Variants in RCOR3 observed in about 807,000 individuals in gnomAD.
The protein encoded by RCOR3 is REST corepressor 3.
Under a neutral mutation model 64.1 loss-of-function variants are expected in RCOR3, and 13 were observed. That is an observed-to-expected ratio of 0.20 (90% CI 0.13 to 0.32). RCOR3 has a LOEUF of 0.32. Among genes scored for constraint, RCOR3 ranks in the 10% least tolerant of loss-of-function variants. The pLI, the probability that RCOR3 is intolerant of heterozygous loss-of-function variation, is 1.00. For missense variants in RCOR3, 489 were observed against 701.2 expected (o/e 0.70, Z 3.42); for synonymous variants, 215 against 239.0 (o/e 0.90, Z 0.93).
intron 8 of RCOR3, among the ~76,000 whole-genome samples, chr1:211,291,072 G>A (rs551668179): frequency 4.6e-5 from 7 of 151,570 alleles, no homozygotes; most frequent in Non-Finnish European, 5.9e-5. Context: ...CCCTTAATCC[G>A]TAGTTTCACT....
At position 211,314,287 on chromosome 1, in the gene RCOR3, A is replaced by T. The variant is rs1184954356; in HGVS notation, c.*519A>T. Reference sequence around the variant, plus strand: ...ATTTTGACATATGTTCATTTTATGCATATTTAAGAAATTATAGCTGCATAT... The same window carrying T: ...ATTTTGACATATGTTCATTTTATGCTTATTTAAGAAATTATAGCTGCATAT... On this transcript the variant is annotated 3_prime_UTR_variant, in exon 12 of 12. Coordinates refer to ENST00000419091, the MANE Select transcript of RCOR3 (RefSeq NM_001136223.3). The T allele has an allele frequency of 6.6e-6, 1 of 152,234 alleles. No individual in the cohort carries two copies. Among genetic ancestry groups the T allele is most frequent in the Non-Finnish European group, 1.5e-5 (1 of 68,080 alleles). The allele number at this position is 152,234 out of a possible 1,614,324, so 9.4% of individuals were successfully genotyped here.
At chr1:211,287,253 T>A (rs938651999) in intron 7 of RCOR3, among the ~76,000 whole-genome samples, 10 of 151,698 alleles carry the variant, frequency 6.6e-5, no homozygotes, top group Non-Finnish European at 1.5e-4. Context: ...AGAGCAGGAG[T>A]GTTTTTTTCC....
At chr1:211,282,602 A>G (rs1012720583) in intron 7 of RCOR3, among the ~76,000 whole-genome samples, 1 of 151,520 alleles carries the variant, frequency 6.6e-6, no homozygotes, top group Non-Finnish European at 1.5e-5. Flanking sequence ...GGGCTCAAGC[A>G]ATTCTCCTGC....
At chr1:211,277,079 C>CT (rs1355890909) in intron 5 of RCOR3, among the ~76,000 whole-genome samples, 2 of 147,760 alleles carry the variant, frequency 1.4e-5, no homozygotes, top group African/African-American at 5.0e-5. Context: ...GCGCGAGACT[C>CT]TGTCTCAAAA....
At chr1:211,290,414 GT>G (rs1487228179) in intron 8 of RCOR3, among the ~76,000 whole-genome samples, 1 of 152,152 alleles carries the variant, frequency 6.6e-6, no homozygotes, top group Admixed American at 6.5e-5. Context: ...AGTTATGTGA[GT>G]TTTGTCTCTG....
chr1:211,299,892 A>G (rs1347478306), intron 9 of RCOR3, among the ~76,000 whole-genome samples: 1 of 151,968 alleles, frequency 6.6e-6, no homozygotes, highest in Non-Finnish European at 1.5e-5. Flanking sequence ...ATCTTTACCA[A>G]AGTTTCTCAG....
chr1:211,279,460 C>T (rs1219840469), intron 7 of RCOR3, 144 bp downstream of exon 7: 4 of 535,824 alleles, frequency 7.5e-6, no homozygotes, highest in South Asian at 2.8e-5. Flanking sequence ...TACAGTCATA[C>T]CTAGAACCCC....
In RCOR3 at chr1:211,291,377, T is replaced by G. The variant is rs1699223892; in HGVS notation, c.939+1981T>G. 3 of 301,904 alleles carry G rather than the reference T, an allele frequency of 9.9e-6. No homozygotes were observed. The Admixed American group carries it at 1.4e-4, about 14-fold the overall frequency. The allele number at this position is 301,904 out of a possible 1,614,324, so 18.7% of individuals were successfully genotyped here. On this transcript the variant is annotated intron_variant, in intron 8 of 11. Coordinates refer to ENST00000419091, the MANE Select transcript of RCOR3 (RefSeq NM_001136223.3). ...AAATGGTCATTGGAGCATTTTGGAT[T>G]TTGGGTTTTCGGATTAGGGATGTAC...
chr1:211,302,680 T>C (rs1700500675), intron 9 of RCOR3: 1 of 152,240 alleles, frequency 6.6e-6, no homozygotes, highest in African/African-American at 2.4e-5. Context: ...TACCATTTAC[T>C]ATAAAATATT....
intron 2 of RCOR3, among the ~76,000 whole-genome samples, chr1:211,264,630 G>A (rs1287493743): frequency 6.6e-6 from 1 of 152,088 alleles, no homozygotes; most frequent in East Asian, 1.9e-4. Flanking sequence ...GCTGCAGTAA[G>A]CTATGATGGC....
At chr1:211,271,391 C>A in intron 3 of RCOR3, 82 bp downstream of exon 3, 4 of 1,021,164 alleles carry the variant, frequency 3.9e-6, no homozygotes, top group South Asian at 1.4e-5. Context: ...GTTTTTGGGT[C>A]TTATAGATTC....
intron 9 of RCOR3, among the ~76,000 whole-genome samples, chr1:211,297,417 T>C (rs1182196597): frequency 3.3e-5 from 5 of 152,152 alleles, no homozygotes; most frequent in Non-Finnish European, 7.4e-5. Flanking sequence ...AATGAAACTC[T>C]GGCTATAGCT....
chr1:211,280,843 G>A (rs997748593), intron 7 of RCOR3, among the ~76,000 whole-genome samples: 2 of 152,114 alleles, frequency 1.3e-5, no homozygotes, highest in Admixed American at 1.3e-4. Flanking sequence ...ATTAGCCGGG[G>A]CGTGGTGGCA....
In RCOR3 at chr1:211,270,417, T is replaced by C. The variant is rs1303643554; in HGVS notation, c.224-815T>C. On this transcript the variant is annotated intron_variant, in intron 2 of 11. Transcript: ENST00000419091. ...AATGTAGATCACAAACTTTTATAAA[T>C]ATAAGATGTAATAAATGAACTTAAT... Among the ~76,000 whole-genome samples, 11 of 152,070 alleles carry C rather than the reference T, an allele frequency of 7.2e-5. 1 individual carries two copies.
rs570405814 is a variant in RCOR3, at chr1:211,290,837, A to G, written c.939+1441A>G. On this transcript the variant is annotated intron_variant, in intron 8 of 11. Transcript: ENST00000419091. ...TTACAGTAGAGGTAGACAGGGATTT[A>G]TAAGAAAATCATGTTAAGAAATTTG... Among the ~76,000 whole-genome samples, 8 of 152,350 alleles carry G rather than the reference A, an allele frequency of 5.3e-5. No homozygotes were observed. The East Asian group carries it at 1.5e-3, about 29-fold the overall frequency.
At chr1:211,298,193 TA>T (rs1459148355) in intron 9 of RCOR3, among the ~76,000 whole-genome samples, 2 of 152,228 alleles carry the variant, frequency 1.3e-5, no homozygotes, top group East Asian at 3.8e-4. Flanking sequence ...CTAGATGTTA[TA>T]AGACAAACTG....
intron 2 of RCOR3, 94 bp downstream of exon 2, chr1:211,260,258 G>C: frequency 8.4e-7 from 1 of 1,190,534 alleles, no homozygotes; most frequent in South Asian, 1.3e-5. Flanking sequence ...GGCCGGGAGG[G>C]GATGCGGGGT....
chr1:211,282,967 A>G (rs1698028143), intron 7 of RCOR3, among the ~76,000 whole-genome samples: 1 of 152,184 alleles, frequency 6.6e-6, no homozygotes, highest in Non-Finnish European at 1.5e-5. Context: ...ATCATATTGT[A>G]TGTATTCTTC....
chr1:211,263,855 C>T (rs529354708), intron 2 of RCOR3, among the ~76,000 whole-genome samples: 35 of 151,510 alleles, frequency 2.3e-4, no homozygotes, highest in South Asian at 1.0e-3. Context: ...GAGTCTTGCT[C>T]TGTCCCCCAG....
Sources: allele counts gnomAD v4.1 joint callset (sites outside exome capture counted in the v4.1 genomes callset), GRCh38; gene constraint gnomAD v4.1.1; transcripts MANE v1.5; gene names NCBI Gene and HGNC (gene_info 2026-07-23, HGNC 2026-07-21).